ZFAND5: variants seen among roughly 807,000 people sequenced by gnomAD.
ZFAND5 encodes zinc finger AN1-type containing 5.
In ZFAND5, 4 loss-of-function variants were observed where a neutral mutation model predicts 23.6. That is an observed-to-expected ratio of 0.17 (90% CI 0.08 to 0.39). The LOEUF is 0.39. Ranked by LOEUF, ZFAND5 falls within the 10% of genes least tolerant of loss-of-function variation. The probability of loss-of-function intolerance (pLI) is 1.00; values close to 1 mark genes in which losing one functional copy is unlikely to be tolerated. For missense variants in ZFAND5, 161 were observed against 253.7 expected (o/e 0.63, Z 2.48); for synonymous variants, 68 against 80.6 (o/e 0.84, Z 0.84).
intron 2 of ZFAND5, among the ~76,000 whole-genome samples, chr9:72,362,545 G>C (rs1384681629): frequency 6.6e-6 from 1 of 152,078 alleles, no homozygotes; most frequent in Non-Finnish European, 1.5e-5. Context: ...TAAAATATTT[G>C]TTTTAGATAA....
chr9:72,357,981 A>T (rs1841992552), intron 5 of ZFAND5, among the ~76,000 whole-genome samples: 7 of 152,130 alleles, frequency 4.6e-5, no homozygotes, highest in Admixed American at 4.6e-4. Context: ...ACTACACCTG[A>T]AACACTATAA....
intron 1 of ZFAND5, chr9:72,364,355 CCT>C (rs1025015244): frequency 8.9e-7 from 1 of 1,128,516 alleles, no homozygotes; most frequent in Non-Finnish European, 1.1e-6. Flanking sequence ...GCCGCCTCGG[CCT>C]CTTTGTTTCT....
At position 72,354,961 on chromosome 9, in the gene ZFAND5, TAAG is replaced by T. The variant is rs767882791; in HGVS notation, c.*989_*991del. The T allele has an allele frequency of 7.2e-5, 11 of 152,638 alleles. No individual in the cohort carries two copies. The highest frequency in any genetic ancestry group is 2.1e-4 in the South Asian group (1 of 4,834). 9.5% of individuals were successfully genotyped at this position (152,638 alleles called of 1,614,324 possible). ...CTCTGCAAGTGGTGCTGGATACCAC[TAAG>T]AAGTCTACTGCAGCCATGTTGGTTA... On this transcript the variant is annotated 3_prime_UTR_variant, in exon 7 of 7. Transcript: ENST00000376962.
rs1308640725 is a variant in ZFAND5 at position 72,355,062 on chromosome 9, T to C, written c.*891A>G. The C allele has an allele frequency of 6.6e-6, 1 of 152,630 alleles. No homozygotes were observed. Among genetic ancestry groups the C allele is most frequent in the Non-Finnish European group, 1.5e-5 (1 of 68,048 alleles). 9.5% of individuals were successfully genotyped at this position (152,630 alleles called of 1,614,324 possible). ...TTAAAAAGCTTTAAACATTCTTTCT[T>C]GAACCAAAACATTCGACAAAAGATG... On this transcript the variant is annotated 3_prime_UTR_variant, in exon 7 of 7. Transcript: ENST00000376962.
At chr9:72,356,297 CT>C (rs1467882921) in intron 6 of ZFAND5, among the ~76,000 whole-genome samples, 196 bp from the exon 7 acceptor site, 1 of 152,176 alleles carries the variant, frequency 6.6e-6, no homozygotes, top group Non-Finnish European at 1.5e-5. Flanking sequence ...GGAAAAGGAA[CT>C]TTTAACTTCC....
In ZFAND5 at chr9:72,355,684, T is replaced by G. The variant is rs970423674; in HGVS notation, c.*269A>C. The G allele has an allele frequency of 7.7e-6, 2 of 259,668 alleles. No homozygotes were observed. The highest frequency in any genetic ancestry group is 4.4e-5 in the African/African-American group (2 of 45,020). The allele number at this position is 259,668 out of a possible 1,614,324, so 16.1% of individuals were successfully genotyped here. The stretch of plus-strand genomic sequence containing the variant: ...TGTTTGGCACATGGGAACTACATTT[T>G]GTTCCTATTATCTGTGTGTTTCACT... On this transcript the variant is annotated 3_prime_UTR_variant, in exon 7 of 7. Coordinates refer to ENST00000376962, the MANE Select transcript of ZFAND5 (RefSeq NM_001102420.3).
chr9:72,364,327 C>T (rs1462881601), intron 1 of ZFAND5: 12 of 1,019,050 alleles, frequency 1.2e-5, no homozygotes, highest in African/African-American at 1.8e-5. Flanking sequence ...GGGGCTGCAA[C>T]GGGCAGGGGG....
At chr9:72,360,401 G>A in intron 3 of ZFAND5, 180 bp from the exon 4 acceptor site, 1 of 818,266 alleles carries the variant, frequency 1.2e-6, no homozygotes, top group South Asian at 1.8e-5. Context: ...ATGAACACAA[G>A]TGTGAAACAA....
intron 6 of ZFAND5, 75 bp from the exon 7 acceptor site, chr9:72,356,176 A>G: frequency 6.5e-7 from 1 of 1,533,776 alleles, no homozygotes; most frequent in Non-Finnish European, 8.8e-7. Context: ...GTCACTATAG[A>G]AAAGGAACCA....
chr9:72,356,901 A>G (rs1564303045), intron 6 of ZFAND5, 30 bp downstream of exon 6: 1 of 1,610,370 alleles, frequency 6.2e-7, no homozygotes, highest in Admixed American at 1.7e-5. Context: ...TGCAGAAGTA[A>G]AACATACATT....
At chr9:72,360,068 T>C (rs2131980766) in intron 4 of ZFAND5, 42 bp downstream of exon 4, 2 of 1,540,354 alleles carry the variant, frequency 1.3e-6, no homozygotes, top group Non-Finnish European at 1.8e-6. Context: ...TCTTGATTTC[T>C]TCTTTGTAAT....
intron 1 of ZFAND5, 134 bp downstream of exon 1, chr9:72,364,559 GCTC>G: frequency 7.9e-7 from 1 of 1,270,138 alleles, no homozygotes. Flanking sequence ...TGGCGGGCGG[GCTC>G]CCCTCCCCCG....
At chr9:72,360,063 A>G in intron 4 of ZFAND5, 47 bp downstream of exon 4, 4 of 1,520,328 alleles carry the variant, frequency 2.6e-6, no homozygotes, top group Non-Finnish European at 3.6e-6. Flanking sequence ...AGACATCTTG[A>G]TTTCTTCTTT....
At chr9:72,359,574 A>G in intron 4 of ZFAND5, 53 bp from the exon 5 acceptor site, 1 of 1,484,712 alleles carries the variant, frequency 6.7e-7, no homozygotes, top group Non-Finnish European at 9.3e-7. Flanking sequence ...ACTTCTTGAG[A>G]CAATGAATAA....
At chr9:72,364,513 G>T in intron 1 of ZFAND5, 183 bp downstream of exon 1, 1 of 1,280,398 alleles carries the variant, frequency 7.8e-7, no homozygotes, top group South Asian at 1.2e-5. Flanking sequence ...GGGCCACGAC[G>T]ACAGGATGAC....
chr9:72,361,975 G>A (rs778738137), intron 2 of ZFAND5, among the ~76,000 whole-genome samples: 20 of 152,192 alleles, frequency 1.3e-4, no homozygotes, highest in Non-Finnish European at 1.5e-4. Context: ...GTTTTAACAA[G>A]TATTAACTAC....
In ZFAND5 at chr9:72,356,838, T is replaced by A. The variant is rs968336305; in HGVS notation, c.493+93A>T. ...GCTAGTCAGGCTTTTTTTTTTTTTT[T>A]ATGTGTAAGACCAACTAGTCTCTTA... On this transcript the variant is annotated intron_variant, in intron 6 of 6. Coordinates refer to ENST00000376962, the MANE Select transcript of ZFAND5 (RefSeq NM_001102420.3). The A allele has an allele frequency of 1.1e-5, 14 of 1,220,180 alleles. No homozygotes were observed. The East Asian group carries it at 1.6e-4, about 14-fold the overall frequency. 75.6% of individuals were successfully genotyped at this position (1,220,180 alleles called of 1,614,324 possible).
At chr9:72,362,038 C>T (rs1426292995) in intron 2 of ZFAND5, among the ~76,000 whole-genome samples, 2 of 152,088 alleles carry the variant, frequency 1.3e-5, no homozygotes, top group Non-Finnish European at 2.9e-5. Flanking sequence ...TGGCCAGACC[C>T]CTGGTAATTA....
Position 72,354,738 on chromosome 9 carries a change from T to C in ZFAND5, c.*1215A>G, listed in dbSNP as rs962834507. 7.9e-5 allele frequency: 12 copies of C among 152,472 alleles called. No homozygotes were observed. Among genetic ancestry groups the C allele is most frequent in the Admixed American group, 7.2e-4 (11 of 15,258 alleles). 9.4% of individuals were successfully genotyped at this position (152,472 alleles called of 1,614,324 possible). ...TACCACAACACTAACTATACTCATT[T>C]ATATATAAAAAACACAAGTTTCATA... On this transcript the variant is annotated 3_prime_UTR_variant, in exon 7 of 7. Coordinates refer to ENST00000376962, the MANE Select transcript of ZFAND5 (RefSeq NM_001102420.3).
Sources: allele counts gnomAD v4.1 joint callset (sites outside exome capture counted in the v4.1 genomes callset), GRCh38; gene constraint gnomAD v4.1.1; transcripts MANE v1.5; gene names NCBI Gene and HGNC (gene_info 2026-07-23, HGNC 2026-07-21).